INPP4B: variants seen among roughly 807,000 people sequenced by gnomAD.
INPP4B encodes the protein inositol polyphosphate-4-phosphatase type II B.
In INPP4B, 55 loss-of-function variants were observed where a neutral mutation model predicts 122.5. That is an observed-to-expected ratio of 0.45 (90% confidence interval 0.36 to 0.56). The LOEUF (loss-of-function observed/expected upper bound fraction) is 0.56. Among genes scored for constraint, INPP4B ranks in the 20% least tolerant of loss-of-function variants. The pLI is 0.00. For missense variants in INPP4B, 1,000 were observed against 1,097.7 expected, an observed-to-expected ratio of 0.91 and a Z score of 1.26; for synonymous variants, 403 against 388.7, an observed-to-expected ratio of 1.04 and a Z score of -0.43.
chr4:142,577,367 T>C (rs1035855137), intron 2 of INPP4B, among the ~76,000 whole-genome samples: 2 of 151,986 alleles, frequency 1.3e-5, no homozygotes, highest in African/African-American at 4.8e-5. Context: ...TAAGATACCA[T>C]TGTATGTATT....
chr4:142,480,031 A>G (rs1216171020), intron 2 of INPP4B, among the ~76,000 whole-genome samples: 1 of 152,172 alleles, frequency 6.6e-6, no homozygotes. Flanking sequence ...ATCAAAATAG[A>G]CTATCACTAG....
intron 25 of INPP4B, among the ~76,000 whole-genome samples, chr4:142,057,692 G>A (rs1156738501): frequency 6.6e-6 from 1 of 152,044 alleles, no homozygotes; most frequent in Non-Finnish European, 1.5e-5. Flanking sequence ...CTATTTTCTT[G>A]AACTATTCAT....
At chr4:142,440,444 A>C (rs544843366) in intron 3 of INPP4B, among the ~76,000 whole-genome samples, 217 of 152,354 alleles carry the variant, frequency 1.4e-3, no homozygotes, top group African/African-American at 5.1e-3. Flanking sequence ...TGGGAAAATA[A>C]GAATATGACA....
intron 23 of INPP4B, 50 bp downstream of exon 23, chr4:142,108,043 T>C: frequency 1.0e-6 from 1 of 965,848 alleles, no homozygotes; most frequent in Non-Finnish European, 1.6e-6. Context: ...CTTCTAAAGA[T>C]TTATAATCAA....
chr4:142,837,280 G>A (rs976254702), intron 1 of INPP4B, among the ~76,000 whole-genome samples: 1 of 152,006 alleles, frequency 6.6e-6, no homozygotes, highest in Non-Finnish European at 1.5e-5. Flanking sequence ...TTTCAAAAAT[G>A]TTCAATCTCA....
intron 2 of INPP4B, among the ~76,000 whole-genome samples, chr4:142,665,118 G>A (rs1755795467): frequency 6.6e-6 from 1 of 152,208 alleles, no homozygotes; most frequent in South Asian, 2.1e-4. Context: ...CATGGGATAT[G>A]CTGTCCATCA....
chr4:142,767,832 C>T (rs964992771), intron 1 of INPP4B: 1 of 152,150 alleles, frequency 6.6e-6, no homozygotes, highest in Non-Finnish European at 1.5e-5. Context: ...ATTTACCCAC[C>T]AGCTCCTGTG....
intron 1 of INPP4B, among the ~76,000 whole-genome samples, chr4:142,834,575 T>C (rs1358560895): frequency 6.6e-6 from 1 of 152,178 alleles, no homozygotes; most frequent in Non-Finnish European, 1.5e-5. Flanking sequence ...ACTAAGACTG[T>C]ATTTTCCATA....
At chr4:142,219,785 A>T (rs2627803) in intron 12 of INPP4B, among the ~76,000 whole-genome samples, 138,528 of 152,180 alleles carry the variant, frequency 0.91, 63,287 homozygotes, top group East Asian at 0.96. Flanking sequence ...TAGAAGGAAA[A>T]CACCAGGCTC....
At chr4:142,832,491 G>T (rs1012370137) in intron 1 of INPP4B, among the ~76,000 whole-genome samples, 1 of 152,158 alleles carries the variant, frequency 6.6e-6, no homozygotes, top group African/African-American at 2.4e-5. Context: ...GGATCCTACA[G>T]ATACATAAAT....
intron 3 of INPP4B, among the ~76,000 whole-genome samples, chr4:142,449,517 C>T (rs763225875): frequency 6.6e-6 from 1 of 152,014 alleles, no homozygotes; most frequent in African/African-American, 2.4e-5. Flanking sequence ...TCCTGGCCAA[C>T]ATGGTGAAAC....
intron 10 of INPP4B, among the ~76,000 whole-genome samples, chr4:142,264,064 G>C (rs1172147215): frequency 2.0e-5 from 3 of 152,058 alleles, no homozygotes; most frequent in African/African-American, 7.2e-5. Flanking sequence ...GAAGGGCTTT[G>C]AGTTTATACT....
chr4:142,207,308 G>A (rs1204552487), intron 14 of INPP4B, among the ~76,000 whole-genome samples: 5 of 152,268 alleles, frequency 3.3e-5, no homozygotes, highest in African/African-American at 7.2e-5. Flanking sequence ...ACACCCGGAT[G>A]TGTGAATGTT....
In INPP4B at chr4:142,231,395, C is replaced by T. The variant is rs1022264946; in HGVS notation, c.836+6469G>A. Among the ~76,000 whole-genome samples the T allele has an allele frequency of 3.9e-5, 6 of 152,262 alleles. No homozygotes were observed. In the East Asian group the frequency reaches 5.8e-4, roughly 15 times the overall value. On this transcript the variant is annotated intron_variant, in intron 12 of 25. Coordinates refer to ENST00000262992, the MANE Select transcript of INPP4B (RefSeq NM_001101669.3). ...GTGATTTCTGCAAACAAGACTCACA[C>T]GGACTTATGCTTTCAGGTATACACC...
intron 2 of INPP4B, among the ~76,000 whole-genome samples, chr4:142,527,240 A>C (rs1827039288): frequency 7.1e-6 from 1 of 140,120 alleles, no homozygotes; most frequent in South Asian, 2.3e-4. Flanking sequence ...TGCCAATATT[A>C]ATAATAAAAT....
rs530182582 is a variant in INPP4B, at chr4:142,027,538, T to A, written c.*1244A>T. The stretch of plus-strand genomic sequence containing the variant: ...CCAGTGATAAATCCTAATTTCTTTT[T>A]AACTAGCATTCTCCCTCAATTTTCA... On this transcript the variant is annotated 3_prime_UTR_variant, in exon 26 of 26. Transcript: ENST00000262992. The A allele has an allele frequency of 4.6e-5, 7 of 152,344 alleles. No individual in the cohort carries two copies. The highest frequency in any genetic ancestry group is 1.7e-4 in the African/African-American group (7 of 41,582). 9.4% of individuals were successfully genotyped at this position (152,344 alleles called of 1,614,324 possible).
intron 3 of INPP4B, among the ~76,000 whole-genome samples, chr4:142,438,055 C>A (rs1385153504): frequency 6.6e-6 from 1 of 152,036 alleles, no homozygotes; most frequent in Non-Finnish European, 1.5e-5. Flanking sequence ...TACAAGGGGA[C>A]ACAAATAAAT....
intron 17 of INPP4B, among the ~76,000 whole-genome samples, chr4:142,156,452 G>T (rs750749335): frequency 2.0e-5 from 3 of 152,226 alleles, no homozygotes; most frequent in South Asian, 2.1e-4. Context: ...TGTAGAGAAA[G>T]AAAAGTAATA....
intron 25 of INPP4B, among the ~76,000 whole-genome samples, chr4:142,031,846 T>G (rs1727428767): frequency 6.6e-6 from 1 of 152,234 alleles, no homozygotes; most frequent in South Asian, 2.1e-4. Context: ...GTGTCTACTA[T>G]GAACCAATTG....
Sources: gnomAD v4.1 joint callset for allele counts (sites outside exome capture counted in the v4.1 genomes callset) on GRCh38, gnomAD v4.1.1 for gene constraint, MANE v1.5 for transcripts, NCBI Gene and HGNC (gene_info 2026-07-23, HGNC 2026-07-21) for gene names.